USP34: variants seen among roughly 807,000 people sequenced by gnomAD.
USP34 encodes the protein ubiquitin carboxyl-terminal hydrolase 34.
In USP34, 70 loss-of-function variants were observed where a neutral mutation model predicts 460.3. The ratio of observed to expected loss-of-function variants is 0.15; its 90% confidence interval spans 0.13 to 0.19. The LOEUF (loss-of-function observed/expected upper bound fraction) is 0.19, where lower values mean the gene tolerates loss of function less well. Ranked by LOEUF, USP34 falls within the 10% of genes least tolerant of loss-of-function variation. The probability of loss-of-function intolerance (pLI) is 1.00; values close to 1 mark genes in which losing one functional copy is unlikely to be tolerated. For missense variants in USP34, 3,985 were observed against 4,236.2 expected, an observed-to-expected ratio of 0.94 and a Z score of 1.65; for synonymous variants, 1,647 against 1,405.3, an observed-to-expected ratio of 1.17 and a Z score of -3.85.
At chr2:61,388,726 A>G (rs1477080945) in intron 5 of USP34, among the ~76,000 whole-genome samples, 1 of 151,782 alleles carries the variant, frequency 6.6e-6, no homozygotes, top group African/African-American at 2.4e-5. Flanking sequence ...ACTGCACTCC[A>G]GCCTGGGCGA....
intron 32 of USP34, among the ~76,000 whole-genome samples, chr2:61,294,629 C>T (rs1032629829): frequency 6.6e-6 from 1 of 152,042 alleles, no homozygotes; most frequent in Non-Finnish European, 1.5e-5. Flanking sequence ...CCATGTTGGC[C>T]AGGCTGATCT....
intron 23 of USP34, 41 bp downstream of exon 23, chr2:61,317,613 G>A (rs1052262466): frequency 6.7e-7 from 1 of 1,500,130 alleles, no homozygotes; most frequent in Non-Finnish European, 9.2e-7. Context: ...AATCTAATTT[G>A]AGGAATAAAG....
chr2:61,437,382 A>G (rs1694841589), intron 1 of USP34, among the ~76,000 whole-genome samples: 1 of 152,234 alleles, frequency 6.6e-6, no homozygotes, highest in South Asian at 2.1e-4. Flanking sequence ...AAGGATCATT[A>G]GAGACTGCTG....
At position 61,236,317 on chromosome 2, in the gene USP34, A is replaced by C; in HGVS notation, c.6842+8T>G. The C allele has an allele frequency of 6.2e-7, 1 of 1,602,970 alleles. No homozygotes were observed. Among genetic ancestry groups the C allele is most frequent in the Non-Finnish European group, 8.5e-7 (1 of 1,175,666 alleles). On this transcript the variant is annotated splice_region_variant and intron_variant, in intron 54 of 79. Transcript: ENST00000398571. ...TAAAATATCTACTATGAAATTTACC[A>C]AACTTACCCAAAATATGTATGTTCA... is the stretch of plus-strand genomic sequence containing the variant.
intron 58 of USP34, among the ~76,000 whole-genome samples, chr2:61,230,613 C>T (rs546602160): frequency 4.8e-4 from 73 of 152,044 alleles, no homozygotes; most frequent in African/African-American, 1.7e-3. Flanking sequence ...GAGGCCAAGG[C>T]GGGCAAATCA....
intron 28 of USP34, 42 bp from the exon 29 acceptor site, chr2:61,301,202 T>C (rs1354402917): frequency 2.6e-6 from 4 of 1,560,440 alleles, no homozygotes; most frequent in Admixed American, 2.0e-5. Context: ...ATCAAGCTTT[T>C]AGTTTAATAA....
intron 1 of USP34, among the ~76,000 whole-genome samples, chr2:61,468,984 G>A (rs1356566210): frequency 1.3e-5 from 2 of 152,092 alleles, no homozygotes; most frequent in Admixed American, 1.3e-4. Context: ...CGAGGCAGGC[G>A]GATCACAAGG....
At chr2:61,326,322 C>T (rs578202358) in intron 20 of USP34, among the ~76,000 whole-genome samples, 2 of 152,230 alleles carry the variant, frequency 1.3e-5, no homozygotes, top group East Asian at 3.9e-4. Context: ...ATTCTCGTGC[C>T]TTAGCCTCCG....
At chr2:61,428,829 A>G (rs1694583521) in intron 1 of USP34, among the ~76,000 whole-genome samples, 1 of 152,174 alleles carries the variant, frequency 6.6e-6, no homozygotes, top group Non-Finnish European at 1.5e-5. Context: ...ATAAAGAGAG[A>G]AAAGAATTAT....
intron 35 of USP34, 103 bp downstream of exon 35, chr2:61,284,772 C>T: frequency 2.4e-6 from 2 of 842,050 alleles, no homozygotes; most frequent in South Asian, 2.5e-5. Flanking sequence ...ATCATAATAT[C>T]CCCCAAATTT....
At chr2:61,462,306 T>A (rs548301235) in intron 1 of USP34, among the ~76,000 whole-genome samples, 46 of 151,192 alleles carry the variant, frequency 3.0e-4, no homozygotes, top group African/African-American at 1.0e-3. Context: ...CCCAGCAGTT[T>A]GGGAGGCCGA....
chr2:61,349,216 T>C (rs370004802), intron 13 of USP34, 34 bp downstream of exon 13: 2 of 1,603,594 alleles, frequency 1.2e-6, no homozygotes, highest in Non-Finnish European at 1.7e-6. Context: ...AAAAACTAAG[T>C]CATGTTGCCA....
intron 5 of USP34, among the ~76,000 whole-genome samples, chr2:61,388,420 T>C (rs1270806151): frequency 1.4e-5 from 2 of 145,874 alleles, no homozygotes; most frequent in Non-Finnish European, 3.0e-5. Context: ...TTTGAAAATA[T>C]GCATACTCGA....
chr2:61,191,122 A>G (rs2103734608), intron 76 of USP34: 1 of 153,968 alleles, frequency 6.5e-6, no homozygotes, highest in African/African-American at 2.4e-5. Flanking sequence ...TATTCTCGCT[A>G]GCAACAGTAA....
At chr2:61,265,854 A>G (rs1412246797) in intron 42 of USP34, 130 bp downstream of exon 42, 1 of 915,672 alleles carries the variant, frequency 1.1e-6, no homozygotes, top group Non-Finnish European at 1.5e-6. Context: ...TAACTTTAAT[A>G]ACACCCTACC....
intron 1 of USP34, among the ~76,000 whole-genome samples, chr2:61,456,008 C>T (rs1028357574): frequency 6.6e-6 from 1 of 152,136 alleles, no homozygotes; most frequent in Non-Finnish European, 1.5e-5. Context: ...CTCATCTGTA[C>T]TCTGGAACCT....
chr2:61,308,929 C>A (rs531030420), intron 27 of USP34, among the ~76,000 whole-genome samples: 2 of 152,240 alleles, frequency 1.3e-5, no homozygotes, highest in East Asian at 3.9e-4. Flanking sequence ...GTAGCCCCAG[C>A]TACTCAGGAG....
chr2:61,298,377 A>AC (rs1277288331), intron 29 of USP34, among the ~76,000 whole-genome samples: 2 of 145,742 alleles, frequency 1.4e-5, no homozygotes, highest in South Asian at 4.6e-4. Flanking sequence ...AAAAAAAAAA[A>AC]AAAAAAAAAA....
intron 75 of USP34, among the ~76,000 whole-genome samples, chr2:61,193,708 C>G (rs780106953): frequency 3.9e-5 from 6 of 152,198 alleles, no homozygotes; most frequent in Non-Finnish European, 7.4e-5. Flanking sequence ...TCCACATCCC[C>G]TAGGGTCCCC....
Sources: gnomAD v4.1 joint callset for allele counts (sites outside exome capture counted in the v4.1 genomes callset) on GRCh38, gnomAD v4.1.1 for gene constraint, MANE v1.5 for transcripts, NCBI Gene and HGNC (gene_info 2026-07-23, HGNC 2026-07-21) for gene names.